The following KCNG1 variants were observed in gnomAD, a reference collection of about 807,000 sequenced individuals.
KCNG1 encodes the protein potassium voltage-gated channel modifier subfamily G member 1, also known as voltage-gated potassium channel regulatory subunit KCNG1.
KCNG1 carries 17 observed loss-of-function variants against 32.4 expected under a neutral mutation model. The observed-to-expected ratio is 0.52, with a 90% CI of 0.36 to 0.79. KCNG1 has a LOEUF of 0.79. Ranked by LOEUF, KCNG1 falls within the 30% of genes least tolerant of loss-of-function variation. The probability of loss-of-function intolerance (pLI) is 0.00; values close to 1 mark genes in which losing one functional copy is unlikely to be tolerated. For synonymous variants in KCNG1, 358 were observed against 339.9 expected (o/e 1.05, Z -0.59); for missense variants, 441 against 735.2 (o/e 0.60, Z 4.63).
chr20:51,011,854 T>G (rs1232080444), intron 1 of KCNG1, among the ~76,000 whole-genome samples: 3 of 152,248 alleles, frequency 2.0e-5, no homozygotes, highest in Admixed American at 6.5e-5. Flanking sequence ...TGGAGTGCAG[T>G]GGCACGATCT....
Position 51,004,870 on chromosome 20 carries a change from C to A in KCNG1, c.775-64G>T, listed in dbSNP as rs962140477. On this transcript the variant is annotated intron_variant, in intron 2 of 2. Coordinates refer to ENST00000371571, the MANE Select transcript of KCNG1 (RefSeq NM_002237.4). This position sits in a 1 kb window ranked among gnomAD's most constrained non-coding sequence, Gnocchi z 4.3. ...GCCCTCCAGGAAAGGAGGGCAGAAGCTCTGCCCTGTGCCCTGCTGGGCTTC... is the reference window on the plus strand; with the variant it reads ...GCCCTCCAGGAAAGGAGGGCAGAAGATCTGCCCTGTGCCCTGCTGGGCTTC... The A allele has an allele frequency of 3.5e-6, 5 of 1,438,716 alleles. No individual in the cohort carries two copies. Among genetic ancestry groups the A allele is most frequent in the African/African-American group, 1.4e-5 (1 of 69,868 alleles). The allele number at this position is 1,438,716 out of a possible 1,614,324, so 89.1% of individuals were successfully genotyped here.
chr20:51,004,982 C>CGAG lies in KCNG1; in HGVS notation c.775-177_775-176insCTC. 7 of 552,968 alleles carry CGAG rather than the reference C, an allele frequency of 1.3e-5. No individual in the cohort carries two copies. Among genetic ancestry groups the CGAG allele is most frequent in the South Asian group, 9.2e-5 (3 of 32,744 alleles). 34.3% of individuals were successfully genotyped at this position (552,968 alleles called of 1,614,324 possible). A position where few individuals can be genotyped will look rare whatever the true frequency, so the allele number is the denominator to read the frequency against. On this transcript the variant is annotated intron_variant, in intron 2 of 2. Transcript: ENST00000371571. This position sits in a 1 kb window ranked among gnomAD's most constrained non-coding sequence, Gnocchi z 4.3. Reference sequence around the variant, plus strand: ...CTCCGAGGCCTGGGGCACTAAGCACCATCTCTACACTGGCCGCTCCTCATC... The same window carrying CGAG: ...CTCCGAGGCCTGGGGCACTAAGCACCGAGATCTCTACACTGGCCGCTCCTCATC...
intron 1 of KCNG1, among the ~76,000 whole-genome samples, chr20:51,017,851 C>T (rs1439657906): frequency 6.6e-6 from 1 of 152,126 alleles, no homozygotes; most frequent in East Asian, 1.9e-4. Context: ...GCTGTGAGTC[C>T]CGCTTCATTG....
In KCNG1 at chr20:51,003,933, C is replaced by T. The variant is rs1467868813; in HGVS notation, c.*106G>A. On this transcript the variant is annotated 3_prime_UTR_variant, in exon 3 of 3. Transcript: ENST00000371571. ...CCCGGGTGCGTGGGAGTCGGTGCTGCGCCAGGACTGCACTCGGAAGCGGCC... is the reference window on the plus strand; with the variant it reads ...CCCGGGTGCGTGGGAGTCGGTGCTGTGCCAGGACTGCACTCGGAAGCGGCC... 2 of 1,310,858 alleles carry T rather than the reference C, an allele frequency of 1.5e-6. No individual in the cohort carries two copies. Among genetic ancestry groups the T allele is most frequent in the Non-Finnish European group, 2.1e-6 (2 of 950,550 alleles). The allele number at this position is 1,310,858 out of a possible 1,614,324, so 81.2% of individuals were successfully genotyped here.
chr20:51,004,836 G>T lies in KCNG1; in HGVS notation c.775-30C>A. The T allele has an allele frequency of 2.0e-6, 3 of 1,501,318 alleles. No individual in the cohort carries two copies. The highest frequency in any genetic ancestry group is 2.7e-5 in the South Asian group (2 of 74,612). The allele number at this position is 1,501,318 out of a possible 1,614,324, so 93.0% of individuals were successfully genotyped here. A position where few individuals can be genotyped will look rare whatever the true frequency, so the allele number is the denominator to read the frequency against. ...GAGAGAGGGGAAGGGACGCCGGAGGGGTCAGCGGGCCCTCCAGGAAAGGAG... is the reference window on the plus strand; with the variant it reads ...GAGAGAGGGGAAGGGACGCCGGAGGTGTCAGCGGGCCCTCCAGGAAAGGAG... On this transcript the variant is annotated intron_variant, in intron 2 of 2. Coordinates refer to ENST00000371571, the MANE Select transcript of KCNG1 (RefSeq NM_002237.4). The surrounding 1 kb of genome is among the most constrained non-coding windows in gnomAD (Gnocchi z 4.3).
At chr20:51,008,406 C>T (rs1215679653) in intron 2 of KCNG1, among the ~76,000 whole-genome samples, 1 of 152,174 alleles carries the variant, frequency 6.6e-6, no homozygotes, top group Non-Finnish European at 1.5e-5. Flanking sequence ...TCATGGCTCA[C>T]TGCAGCCTTA....
At position 51,004,675 on chromosome 20, in the gene KCNG1, C is replaced by A; in HGVS notation, c.906G>T (p.Thr302=). The A allele has an allele frequency of 6.2e-7, 1 of 1,602,634 alleles. No individual in the cohort carries two copies. The highest frequency in any genetic ancestry group is 1.7e-5 in the Admixed American group (1 of 58,400). ...SKFAFLRSPL[T]LIDLVAILPY... is the part of the protein sequence containing the mutation. Reference sequence around the variant, plus strand: ...GCAGGATGGCCACCAGGTCGATCAGCGTCAGCGGGCTCCGCAGGAAGGCGA... The same window carrying A: ...GCAGGATGGCCACCAGGTCGATCAGAGTCAGCGGGCTCCGCAGGAAGGCGA... The change falls in exon 3 of 3, where the codon ACG becomes ACT. Residue 302 remains threonine, a synonymous_variant. Transcript: ENST00000371571. The surrounding 1 kb of genome is among the most constrained non-coding windows in gnomAD (Gnocchi z 4.3).
chr20:51,010,288 G>T lies in KCNG1; in HGVS notation c.51C>A (p.Ser17Arg). The T allele has an allele frequency of 6.6e-7, 1 of 1,518,294 alleles. No homozygotes were observed. Among genetic ancestry groups the T allele is most frequent in the East Asian group, 2.3e-5 (1 of 44,308 alleles). 94.1% of individuals were successfully genotyped at this position (1,518,294 alleles called of 1,614,324 possible). A position where few individuals can be genotyped will look rare whatever the true frequency, so the allele number is the denominator to read the frequency against. ...DNSDYDYSAL[S>R]CTSDASFHPA... ...GGTGGAAGGAGGCGTCCGAGGTGCA[G>T]CTCAGCGCGCTGTAGTCGTAGTCAG... The change falls in exon 2 of 3, where the codon AGC becomes AGA. Residue 17 changes from serine to arginine, a missense_variant. Ser to Arg is a moderately radical substitution (Grantham distance 110). This residue lies in a region of KCNG1 where 85 missense variants were observed against 98.2 expected (regional missense o/e 0.87). Coordinates refer to ENST00000371571, the MANE Select transcript of KCNG1 (RefSeq NM_002237.4).
At chr20:51,018,171 G>A (rs960201690) in intron 1 of KCNG1, among the ~76,000 whole-genome samples, 2 of 152,188 alleles carry the variant, frequency 1.3e-5, no homozygotes, top group African/African-American at 4.8e-5. Flanking sequence ...GGAATGGGAT[G>A]GAGTGAAGGT....
At chr20:51,011,337 C>CTTT (rs376194940) in intron 1 of KCNG1, among the ~76,000 whole-genome samples, 5 of 146,838 alleles carry the variant, frequency 3.4e-5, no homozygotes, top group African/African-American at 1.2e-4. Context: ...TTTAAATTAA[C>CTTT]TTTTTTTTTT....
chr20:51,007,713 T>C (rs1289658543), intron 2 of KCNG1, among the ~76,000 whole-genome samples: 1 of 151,306 alleles, frequency 6.6e-6, no homozygotes, highest in Non-Finnish European at 1.5e-5. Flanking sequence ...AAGTAGAGGT[T>C]GCAGTGAGCC....
In KCNG1 at chr20:51,015,058, G is replaced by A. The variant is rs1365742967; in HGVS notation, c.-26-4694C>T. Among the ~76,000 whole-genome samples, 1 of 152,180 alleles carries A rather than the reference G, an allele frequency of 6.6e-6. No individual in the cohort carries two copies. Among genetic ancestry groups the A allele is most frequent in the African/African-American group, 2.4e-5 (1 of 41,440 alleles). On this transcript the variant is annotated intron_variant, in intron 1 of 2. Transcript: ENST00000371571. The surrounding 1 kb of genome is among the most constrained non-coding windows in gnomAD (Gnocchi z 4.4). ...TAAGGAGCTGGGGCTTATTCTGCAAGGGACAAGGAGTCCATGTGTGCCTGC... is the reference window on the plus strand; with the variant it reads ...TAAGGAGCTGGGGCTTATTCTGCAAAGGACAAGGAGTCCATGTGTGCCTGC...
chr20:51,010,990 G>A (rs1256405219), intron 1 of KCNG1, among the ~76,000 whole-genome samples: 1 of 152,168 alleles, frequency 6.6e-6, no homozygotes, highest in African/African-American at 2.4e-5. Context: ...AGCACTCAGG[G>A]AGGCATCTAA....
intron 1 of KCNG1, among the ~76,000 whole-genome samples, chr20:51,011,551 A>G (rs889507851): frequency 4.1e-4 from 62 of 152,168 alleles, no homozygotes; most frequent in Admixed American, 3.5e-3. Context: ...CACAACAGAC[A>G]CTTGTCTGGT....
chr20:51,019,503 C>T (rs1198609571), intron 1 of KCNG1, among the ~76,000 whole-genome samples: 3 of 151,756 alleles, frequency 2.0e-5, no homozygotes, highest in Non-Finnish European at 4.4e-5. Flanking sequence ...GAGCAAGACC[C>T]TGTCTTCAAA....
intron 2 of KCNG1, among the ~76,000 whole-genome samples, chr20:51,008,501 A>T (rs201132066): frequency 4.0e-5 from 6 of 149,942 alleles, no homozygotes; most frequent in African/African-American, 1.2e-4. Flanking sequence ...GGCTAATTAA[A>T]TTTTTTTTTT....
intron 1 of KCNG1, among the ~76,000 whole-genome samples, chr20:51,017,814 G>A (rs956245135): frequency 5.3e-5 from 8 of 152,108 alleles, no homozygotes; most frequent in East Asian, 1.9e-4. Context: ...CCTGCCCAAC[G>A]TGTCAATCTC....
At position 51,004,025 on chromosome 20, in the gene KCNG1, C is replaced by T; in HGVS notation, c.*14G>A. On this transcript the variant is annotated 3_prime_UTR_variant, in exon 3 of 3. Coordinates refer to ENST00000371571, the MANE Select transcript of KCNG1 (RefSeq NM_002237.4). The surrounding 1 kb of genome is among the most constrained non-coding windows in gnomAD (Gnocchi z 4.3). The stretch of plus-strand genomic sequence containing the variant: ...GGCCACAGATGGCAGGCAGGGCAGG[C>T]GTGTCCTCCGCGCTCAGTTATTGTC... The T allele has an allele frequency of 1.9e-6, 3 of 1,607,672 alleles. No homozygotes were observed. The highest frequency in any genetic ancestry group is 1.7e-4 in the Middle Eastern group (1 of 6,010).
chr20:51,008,391 C>T (rs1242265755), intron 2 of KCNG1, among the ~76,000 whole-genome samples: 2 of 152,130 alleles, frequency 1.3e-5, no homozygotes, highest in Admixed American at 6.6e-5. Context: ...AGTGCAGTGG[C>T]GTGATCATGG....
Sources: allele counts gnomAD v4.1 joint callset (sites outside exome capture counted in the v4.1 genomes callset), GRCh38; gene constraint gnomAD v4.1.1; regional missense constraint gnomAD v4.1.1; non-coding constraint Gnocchi (gnomAD v3.1); transcripts MANE v1.5; gene names NCBI Gene and HGNC (gene_info 2026-07-23, HGNC 2026-07-21).